The following SNAPC2 variants were observed in gnomAD, a reference collection of about 807,000 sequenced individuals.
SNAPC2 encodes small nuclear RNA activating complex polypeptide 2, also known as snRNA-activating protein complex subunit 2.
Under a neutral mutation model 22.9 loss-of-function variants are expected in SNAPC2, and 27 were observed. That is an observed-to-expected ratio of 1.18 (90% CI 0.87 to 1.63). The LOEUF is 1.63. SNAPC2 is among the 40% of genes most tolerant of loss of function. The probability of loss-of-function intolerance (pLI) is 0.00; values close to 1 mark genes in which losing one functional copy is unlikely to be tolerated. For missense variants in SNAPC2, 570 were observed against 449.1 expected (o/e 1.27, Z -2.43); for synonymous variants, 272 against 201.0 (o/e 1.35, Z -2.99).
Position 7,922,101 on chromosome 19 carries a change from G to A in SNAPC2, c.439G>A (p.Ala147Thr). 6.2e-7 allele frequency: 1 copy of A among 1,613,878 alleles called. No individual in the cohort carries two copies. Among genetic ancestry groups the A allele is most frequent in the Non-Finnish European group, 8.5e-7 (1 of 1,179,932 alleles). ...LHSKPPKPTQ[A>T]RGKPLLLSAP... ...CTCCAAGCCCCCCAAGCCCACGCAG[G>A]CCCGTGGAAAGCCTTTGCTCCTGAG... Residue 147 changes from alanine (A) to threonine (T), a missense_variant, in exon 4 of 5, where the codon GCC (alanine) becomes ACC (threonine). By Grantham distance (58) the Ala-to-Thr change is moderately conservative. Transcript: ENST00000221573.
At position 7,922,677 on chromosome 19, in the gene SNAPC2, G is replaced by A. The variant is rs1485937694; in HGVS notation, c.918G>A (p.Ser306=). 21 of 1,613,424 alleles carry A rather than the reference G, an allele frequency of 1.3e-5. No homozygotes were observed. The highest frequency in any genetic ancestry group is 1.7e-5 in the Non-Finnish European group (20 of 1,179,882). ...TEKAEHSELK[S]PWQAAGICPL... ...AGGCCGAGCACAGCGAACTGAAATC[G>A]CCTTGGCAAGCAGCTGGGATCTGTC... The change falls in exon 5 of 5, where the codon TCG becomes TCA. Residue 306 remains serine (S), a synonymous_variant. Coordinates refer to ENST00000221573, the MANE Select transcript of SNAPC2 (RefSeq NM_003083.4).
Position 7,922,117 on chromosome 19 carries a change from T to TA in SNAPC2, c.455_456insA (p.Leu153AlafsTer14). On this transcript the variant is annotated frameshift_variant, in exon 4 of 5. Transcript: ENST00000221573. LOFTEE classifies it high-confidence loss of function. ...CCCACGCAGGCCCGTGGAAAGCCTT[T>TA]GCTCCTGAGCGCCCCTGGAGGACAG... is the stretch of plus-strand genomic sequence containing the variant. 1 of 1,614,010 alleles carries TA rather than the reference T, an allele frequency of 6.2e-7. No homozygotes were observed. Among genetic ancestry groups the TA allele is most frequent in the Non-Finnish European group, 8.5e-7 (1 of 1,179,972 alleles).
In SNAPC2 at chr19:7,923,129, C is replaced by A. The variant is rs1254014576; in HGVS notation, c.*365C>A. 3 of 226,824 alleles carry A rather than the reference C, an allele frequency of 1.3e-5. No individual in the cohort carries two copies. Among genetic ancestry groups the A allele is most frequent in the Non-Finnish European group, 2.6e-5 (3 of 116,830 alleles). The allele number at this position is 226,824 out of a possible 1,614,324, so 14.1% of individuals were successfully genotyped here. A position where few individuals can be genotyped will look rare whatever the true frequency, so the allele number is the denominator to read the frequency against. ...ACATTTTCCCCCTTCCTGTACACCT[C>A]GGGGCCAGCATCCTCACCTTCTTCA... On this transcript the variant is annotated 3_prime_UTR_variant, in exon 5 of 5. Coordinates refer to ENST00000221573, the MANE Select transcript of SNAPC2 (RefSeq NM_003083.4).
At chr19:7,921,144 A>G in intron 1 of SNAPC2, 1 of 1,361,962 alleles carries the variant, frequency 7.3e-7, no homozygotes, top group South Asian at 1.6e-5. Flanking sequence ...AGAAGAGGGG[A>G]CGAAGAAGGG....
intron 3 of SNAPC2, 65 bp from the exon 4 acceptor site, chr19:7,921,970 G>C: frequency 6.6e-7 from 1 of 1,523,960 alleles, no homozygotes; most frequent in Non-Finnish European, 8.9e-7. Context: ...GGGAGGATGG[G>C]GGAATGTGTA....
At chr19:7,922,005 C>T (rs777636845) in intron 3 of SNAPC2, 30 bp from the exon 4 acceptor site, 2 of 1,585,008 alleles carry the variant, frequency 1.3e-6, no homozygotes, top group Admixed American at 1.7e-5. Context: ...TTCCCAGCTC[C>T]TCTTCCTCCC....
intron 1 of SNAPC2, chr19:7,920,942 T>G (rs1983544853): frequency 7.3e-6 from 7 of 959,562 alleles, no homozygotes; most frequent in Non-Finnish European, 6.1e-6. Flanking sequence ...GGGGCCGTTT[T>G]GGGAGTAAGG....
Position 7,922,007 on chromosome 19 carries a change from C to T in SNAPC2, c.373-28C>T, listed in dbSNP as rs371353104. ...ACGGTGAGAAGACTTCCCAGCTCCT[C>T]TTCCTCCCTGATTGTTCTGCCTGCC... is the stretch of plus-strand genomic sequence containing the variant. On this transcript the variant is annotated intron_variant, in intron 3 of 4. Coordinates refer to ENST00000221573, the MANE Select transcript of SNAPC2 (RefSeq NM_003083.4). 5 of 1,588,314 alleles carry T rather than the reference C, an allele frequency of 3.1e-6. No individual in the cohort carries two copies. In the African/African-American group the frequency reaches 4.0e-5, roughly 13 times the overall value.
At chr19:7,920,938 G>A in intron 1 of SNAPC2, 1 of 1,040,726 alleles carries the variant, frequency 9.6e-7, no homozygotes, top group Non-Finnish European at 1.2e-6. Context: ...GGGCGGGGCC[G>A]TTTTGGGAGT....
chr19:7,922,752 C>G lies in SNAPC2; in HGVS notation c.993C>G (p.Thr331=), dbSNP rs139478657. ...VPLELLGRAA[T]PAR The stretch of plus-strand genomic sequence containing the variant: ...TGGAGCTTCTGGGTCGGGCAGCCAC[C>G]CCTGCCAGGTGAGGGGCATGGCGGG... Residue 331 remains threonine (T), a synonymous_variant, in exon 5 of 5, where the codon ACC becomes ACG. Coordinates refer to ENST00000221573, the MANE Select transcript of SNAPC2 (RefSeq NM_003083.4). 11 of 1,586,594 alleles carry G rather than the reference C, an allele frequency of 6.9e-6. No individual in the cohort carries two copies. The African/African-American group carries it at 1.3e-4, about 19-fold the overall frequency.
chr19:7,922,229 T>A lies in SNAPC2; in HGVS notation c.567T>A (p.Pro189=). ...PRTPDPAPEK[P]SESSAGPSTE... is the part of the protein sequence containing the mutation. ...CTCCTGACCCTGCCCCTGAGAAACCTTCTGAGTCGTCGGCTGGTCCCTCCA... is the reference window on the plus strand; with the variant it reads ...CTCCTGACCCTGCCCCTGAGAAACCATCTGAGTCGTCGGCTGGTCCCTCCA... The change falls in exon 4 of 5, where the codon CCT becomes CCA. Residue 189 remains proline (P), a synonymous_variant. Transcript: ENST00000221573. The A allele has an allele frequency of 6.2e-7, 1 of 1,613,852 alleles. No individual in the cohort carries two copies. Among genetic ancestry groups the A allele is most frequent in the East Asian group, 2.2e-5 (1 of 44,866 alleles).
intron 3 of SNAPC2, 107 bp downstream of exon 3, chr19:7,921,880 C>T (rs893790829): frequency 2.9e-5 from 41 of 1,392,876 alleles, no homozygotes; most frequent in Non-Finnish European, 3.6e-5. Context: ...CTGTGGACTC[C>T]GTCAGTCACT....
At chr19:7,921,584 C>G in intron 2 of SNAPC2, 42 bp downstream of exon 2, 1 of 1,604,132 alleles carries the variant, frequency 6.2e-7, no homozygotes, top group Non-Finnish European at 8.5e-7. Context: ...GGGCAGGTCC[C>G]TGGTGGGTAG....
chr19:7,921,653 G>A (rs1170147625), intron 2 of SNAPC2, 52 bp from the exon 3 acceptor site: 24 of 1,607,604 alleles, frequency 1.5e-5, no homozygotes, highest in African/African-American at 1.3e-4. Context: ...GGGCTTGGGG[G>A]GCCATTGCAG....
At position 7,922,340 on chromosome 19, in the gene SNAPC2, A is replaced by G; in HGVS notation, c.678A>G (p.Ser226=). ...GAAGTGGCCGCAGCCCCGAGCTCTC[A>G]GCAGCTGGTGAGAAGGGTGAGGGAG... ...VSRSGRSPEL[S]AAESAVVLDL... Residue 226 remains serine, a synonymous_variant, in exon 4 of 5, where the codon TCA becomes TCG. Transcript: ENST00000221573. The G allele has an allele frequency of 1.2e-6, 2 of 1,613,032 alleles. No individual in the cohort carries two copies. Among genetic ancestry groups the G allele is most frequent in the East Asian group, 2.2e-5 (1 of 44,866 alleles).
intron 3 of SNAPC2, 51 bp from the exon 4 acceptor site, chr19:7,921,984 G>C (rs369209183): frequency 2.7e-5 from 42 of 1,554,880 alleles, no homozygotes; most frequent in Non-Finnish European, 3.5e-5. Context: ...ATGTGTAGAC[G>C]GTGAGAAGAC....
In SNAPC2 at chr19:7,920,432, G is replaced by T. The variant is rs780478248; in HGVS notation, c.66G>T (p.Ala22=). 8 of 1,572,928 alleles carry T rather than the reference G, an allele frequency of 5.1e-6. No homozygotes were observed. Among genetic ancestry groups the T allele is most frequent in the Non-Finnish European group, 6.8e-6 (8 of 1,168,086 alleles). ...ATCTGGGCGAGGTGACCGGTCCCGC[G>T]ACCTGGAGCGCTCGCGAGAAGCGGC... ...ARYLGEVTGP[A]TWSAREKRQL... is the part of the protein sequence containing the mutation. The change falls in exon 1 of 5, where the codon GCG becomes GCT. Residue 22 remains alanine, a synonymous_variant. Transcript: ENST00000221573.
Position 7,921,480 on chromosome 19 carries a change from G to A in SNAPC2, c.241G>A (p.Val81Met), listed in dbSNP as rs1472923614. Reference sequence around the variant, plus strand: ...CGTAGCCCGGGAGGCCATTCAGAAAGTGCATCCGGGTGGCCTTCAGGGACC... The same window carrying A: ...CGTAGCCCGGGAGGCCATTCAGAAAATGCATCCGGGTGGCCTTCAGGGACC... The part of the protein sequence containing the change: ...GRVAREAIQK[V>M]HPGGLQGPRR... Residue 81 changes from valine to methionine, a missense_variant, in exon 2 of 5, where the codon GTG becomes ATG. Transcript: ENST00000221573. 8 of 1,613,894 alleles carry A rather than the reference G, an allele frequency of 5.0e-6. No individual in the cohort carries two copies. The highest frequency in any genetic ancestry group is 1.7e-5 in the Admixed American group (1 of 60,008).
At chr19:7,921,356 G>A (rs1351168014) in intron 1 of SNAPC2, 67 bp from the exon 2 acceptor site, 1 of 1,610,458 alleles carries the variant, frequency 6.2e-7, no homozygotes, top group Non-Finnish European at 8.5e-7. Context: ...AAGGGATTGG[G>A]CTTTGGCTTC....
Sources: allele counts gnomAD v4.1 joint callset, GRCh38; gene constraint gnomAD v4.1.1; transcripts MANE v1.5; gene names NCBI Gene and HGNC (gene_info 2026-07-23, HGNC 2026-07-21).